Variants in DENND1B observed in about 807,000 individuals in gnomAD.
The protein encoded by DENND1B is DENN domain containing 1B.
In DENND1B, 59 loss-of-function variants were observed where a neutral mutation model predicts 90.1. The ratio of observed to expected loss-of-function variants is 0.65; its 90% CI spans 0.53 to 0.81. DENND1B has a LOEUF of 0.81. Ranked by LOEUF, DENND1B falls within the 40% of genes least tolerant of loss-of-function variation. The pLI is 0.00. For synonymous variants in DENND1B, 337 were observed against 324.6 expected (o/e 1.04, Z -0.41); for missense variants, 862 against 912.6 (o/e 0.94, Z 0.71).
At chr1:197,579,682 G>A (rs1307459957) in intron 15 of DENND1B, among the ~76,000 whole-genome samples, 1 of 152,076 alleles carries the variant, frequency 6.6e-6, no homozygotes, top group Non-Finnish European at 1.5e-5. Context: ...TACCCTCTAT[G>A]TCTATCAACT....
intron 3 of DENND1B, among the ~76,000 whole-genome samples, chr1:197,683,339 T>C (rs559563972): frequency 1.2e-3 from 178 of 152,224 alleles, no homozygotes; most frequent in African/African-American, 1.9e-3. Flanking sequence ...AGGGATATGA[T>C]TGGACTTCAA....
intron 20 of DENND1B, among the ~76,000 whole-genome samples, chr1:197,522,872 G>GA (rs1185459608): frequency 2.6e-5 from 4 of 152,010 alleles, no homozygotes; most frequent in African/African-American, 9.7e-5. Flanking sequence ...AAACAGGTAA[G>GA]AAAAAAATCT....
chr1:197,685,421 C>T (rs1657132185), intron 3 of DENND1B, among the ~76,000 whole-genome samples: 1 of 152,064 alleles, frequency 6.6e-6, no homozygotes. Flanking sequence ...CTTTGTTAGA[C>T]TTCTTATAAC....
intron 2 of DENND1B, among the ~76,000 whole-genome samples, chr1:197,740,462 AGACTGAGTCT>A (rs1214048057): frequency 6.6e-6 from 1 of 152,202 alleles, no homozygotes; most frequent in Non-Finnish European, 1.5e-5. Context: ...TATATGGGGA[AGACTGAGTCT>A]CAGAAAGTCA....
intron 15 of DENND1B, among the ~76,000 whole-genome samples, chr1:197,576,402 A>G (rs1290693902): frequency 1.3e-5 from 2 of 152,218 alleles, no homozygotes; most frequent in African/African-American, 4.8e-5. Flanking sequence ...CTGGATTCCA[A>G]GCCAATATTC....
intron 2 of DENND1B, among the ~76,000 whole-genome samples, chr1:197,720,808 C>T (rs974528194): frequency 1.3e-5 from 2 of 152,114 alleles, no homozygotes; most frequent in African/African-American, 4.8e-5. Context: ...AACCTTAAGA[C>T]TATAAGCAAC....
At chr1:197,516,970 C>G (rs1291302268) in intron 20 of DENND1B, among the ~76,000 whole-genome samples, 6 of 151,808 alleles carry the variant, frequency 4.0e-5, no homozygotes, top group Non-Finnish European at 8.8e-5. Flanking sequence ...GCTAAGTGTT[C>G]CTCTGTATGG....
chr1:197,663,483 A>G (rs536988066), intron 5 of DENND1B, among the ~76,000 whole-genome samples: 1 of 152,262 alleles, frequency 6.6e-6, no homozygotes, highest in Admixed American at 6.5e-5. Context: ...CTAACTGGCT[A>G]TTTGCAGGCT....
chr1:197,546,064 A>C, intron 17 of DENND1B, 74 bp from the exon 18 acceptor site: 1 of 1,254,886 alleles, frequency 8.0e-7, no homozygotes, highest in Non-Finnish European at 1.1e-6. Context: ...TATTACAGTA[A>C]GTTGCATATT....
At chr1:197,595,099 C>A in intron 14 of DENND1B, 109 bp downstream of exon 14, 1 of 1,330,126 alleles carries the variant, frequency 7.5e-7, no homozygotes, top group Non-Finnish European at 1.0e-6. Flanking sequence ...AAAAGATTTC[C>A]ATGATATTTT....
chr1:197,717,387 T>C (rs1004084563), intron 2 of DENND1B, among the ~76,000 whole-genome samples: 2 of 151,954 alleles, frequency 1.3e-5, no homozygotes, highest in Non-Finnish European at 2.9e-5. Context: ...TTGCCAGTTA[T>C]GACTGATATA....
At chr1:197,747,359 G>GT (rs1652841560) in intron 2 of DENND1B, 4 of 542,258 alleles carry the variant, frequency 7.4e-6, no homozygotes, top group Non-Finnish European at 1.4e-5. Context: ...CTTCTTGTGA[G>GT]TTAAGTCCAG....
intron 5 of DENND1B, among the ~76,000 whole-genome samples, chr1:197,667,570 T>C (rs1226370612): frequency 1.3e-5 from 2 of 152,100 alleles, no homozygotes; most frequent in Admixed American, 6.6e-5. Context: ...GCTAGGATTA[T>C]AGGCGTGCGC....
intron 15 of DENND1B, among the ~76,000 whole-genome samples, chr1:197,571,556 T>A (rs1033205230): frequency 3.3e-5 from 5 of 152,346 alleles, no homozygotes; most frequent in African/African-American, 1.2e-4. Context: ...AGTCACTCAA[T>A]CTAAATTGGC....
In DENND1B at chr1:197,775,240, GT is replaced by G. The variant is rs1404935132; in HGVS notation, c.-86del. On this transcript the variant is annotated 5_prime_UTR_variant, in exon 1 of 23. Transcript: ENST00000620048. Reference sequence around the variant, plus strand: ...AGCCCGGCCGCGCGAGGGTCGCGCCGTCCCCGCCCACGCCGGCGGCCACACA... The same window carrying G: ...AGCCCGGCCGCGCGAGGGTCGCGCCGCCCCGCCCACGCCGGCGGCCACACA... 12 of 1,108,668 alleles carry G rather than the reference GT, an allele frequency of 1.1e-5. No individual in the cohort carries two copies. Among genetic ancestry groups the G allele is most frequent in the Non-Finnish European group, 1.4e-5 (12 of 869,972 alleles). The allele number at this position is 1,108,668 out of a possible 1,614,324, so 68.7% of individuals were successfully genotyped here. A position where few individuals can be genotyped will look rare whatever the true frequency, so the allele number is the denominator to read the frequency against.
intron 15 of DENND1B, among the ~76,000 whole-genome samples, chr1:197,558,403 CA>C (rs1671884674): frequency 6.6e-6 from 1 of 151,688 alleles, no homozygotes; most frequent in Non-Finnish European, 1.5e-5. Context: ...AAATCATCAA[CA>C]ATTGCAAGAA....
At chr1:197,536,077 A>G (rs557793253) in intron 20 of DENND1B, among the ~76,000 whole-genome samples, 9 of 150,996 alleles carry the variant, frequency 6.0e-5, no homozygotes, top group African/African-American at 1.9e-4. Flanking sequence ...GAAAAGGGAC[A>G]GAGAGGGAGA....
chr1:197,684,467 G>A (rs1226567004), intron 3 of DENND1B, among the ~76,000 whole-genome samples: 1 of 152,058 alleles, frequency 6.6e-6, no homozygotes, highest in Non-Finnish European at 1.5e-5. Context: ...CTTATACAAT[G>A]TATATTATCC....
intron 3 of DENND1B, among the ~76,000 whole-genome samples, chr1:197,675,689 C>G (rs1204225284): frequency 6.6e-6 from 1 of 152,066 alleles, no homozygotes; most frequent in African/African-American, 2.4e-5. Flanking sequence ...TAATCCTTAT[C>G]TTGTACTTCA....
Sources: allele counts gnomAD v4.1 joint callset (sites outside exome capture counted in the v4.1 genomes callset), GRCh38; gene constraint gnomAD v4.1.1; transcripts MANE v1.5; gene names NCBI Gene and HGNC (gene_info 2026-07-23, HGNC 2026-07-21).